The following PAPSS1 variants were observed in gnomAD, a reference collection of about 807,000 sequenced individuals.
The protein encoded by PAPSS1 is bifunctional 3'-phosphoadenosine 5'-phosphosulfate synthase 1.
Under a neutral mutation model 72.0 loss-of-function variants are expected in PAPSS1, and 50 were observed. The ratio of observed to expected loss-of-function variants is 0.69; its 90% confidence interval spans 0.55 to 0.88. The LOEUF (loss-of-function observed/expected upper bound fraction) is 0.88, where lower values mean the gene tolerates loss of function less well. PAPSS1 is among the 40% of genes least tolerant of loss of function. The probability of loss-of-function intolerance (pLI) is 0.00; values close to 1 mark genes in which losing one functional copy is unlikely to be tolerated. For missense variants in PAPSS1, 657 were observed against 782.2 expected, an observed-to-expected ratio of 0.84 and a Z score of 1.91; for synonymous variants, 261 against 263.6, an observed-to-expected ratio of 0.99 and a Z score of 0.09.
In PAPSS1 at chr4:107,644,861, G is replaced by A; in HGVS notation, c.1447C>T (p.Pro483Ser). 6.2e-7 allele frequency: 1 copy of A among 1,613,802 alleles called. No homozygotes were observed. The highest frequency in any genetic ancestry group is 8.5e-7 in the Non-Finnish European group (1 of 1,179,842). The change falls in exon 10 of 12, where the codon CCT becomes TCT. Residue 483 changes from proline to serine, a missense_variant. Physicochemically the swap from Pro to Ser is moderately conservative, Grantham distance 74. This residue lies in a region of PAPSS1 where 166 missense variants were observed against 228.3 expected (regional missense o/e 0.73). Coordinates refer to ENST00000265174, the MANE Select transcript of PAPSS1 (RefSeq NM_005443.5). ...AAVLEEGVLNPETTVVAIFPS... is the reference protein window; with the variant it reads ...AAVLEEGVLNSETTVVAIFPS... ...AAGATGGCCACCACTGTCGTCTCAG[G>A]ATTCAGAACTCCTTCCTCCAACACT...
At chr4:107,638,675 G>A (rs115153138) in intron 10 of PAPSS1, among the ~76,000 whole-genome samples, 5,330 of 152,102 alleles carry the variant, frequency 0.035, 287 homozygotes, top group African/African-American at 0.12. Context: ...ATTATTCTAA[G>A]AAAACAGAGG....
chr4:107,661,249 G>A (rs568095070), intron 5 of PAPSS1, among the ~76,000 whole-genome samples: 1 of 152,216 alleles, frequency 6.6e-6, no homozygotes, highest in South Asian at 2.1e-4. Flanking sequence ...ATTCATAGCT[G>A]GTGGGGATGC....
At chr4:107,704,560 G>C (rs758353285) in intron 1 of PAPSS1, among the ~76,000 whole-genome samples, 1 of 152,164 alleles carries the variant, frequency 6.6e-6, no homozygotes, top group African/African-American at 2.4e-5. Context: ...TATCATAAAA[G>C]GTTAATGAAC....
Position 107,644,916 on chromosome 4 carries a change from A to C in PAPSS1, c.1392T>G (p.Pro464=). The change falls in exon 10 of 12, where the codon CCT becomes CCG. Residue 464 remains proline (P), a synonymous_variant. Transcript: ENST00000265174. The part of the protein sequence containing the change: ...LGGWTKDDDV[P]LMWRMKQHAA... ...CATGCTGCTTCATACGCCACATCAA[A>C]GGAACATCGTCATCCTTTGTCCAGC... The C allele has an allele frequency of 6.2e-7, 1 of 1,614,120 alleles. No individual in the cohort carries two copies. Among genetic ancestry groups the C allele is most frequent in the Non-Finnish European group, 8.5e-7 (1 of 1,179,968 alleles).
chr4:107,704,607 C>T (rs1723288189), intron 1 of PAPSS1, among the ~76,000 whole-genome samples: 2 of 152,186 alleles, frequency 1.3e-5, no homozygotes, highest in South Asian at 4.1e-4. Flanking sequence ...TTGAGATGAT[C>T]ATAGGTTTTT....
At chr4:107,680,366 G>C (rs1326731851) in intron 5 of PAPSS1, among the ~76,000 whole-genome samples, 1 of 151,144 alleles carries the variant, frequency 6.6e-6, no homozygotes, top group Non-Finnish European at 1.5e-5. Context: ...AATTACATTA[G>C]ACTTCTCATC....
chr4:107,658,524 G>A (rs1188574923), intron 6 of PAPSS1, among the ~76,000 whole-genome samples: 2 of 152,102 alleles, frequency 1.3e-5, no homozygotes, highest in African/African-American at 2.4e-5. Context: ...TGTACTTATC[G>A]TTAATGTAAG....
At chr4:107,687,619 A>G (rs1722820462) in intron 3 of PAPSS1, among the ~76,000 whole-genome samples, 1 of 151,956 alleles carries the variant, frequency 6.6e-6, no homozygotes, top group Admixed American at 6.6e-5. Context: ...AGCCCCCTGC[A>G]GCCACTTCTC....
chr4:107,681,661 A>C (rs1338097248), intron 5 of PAPSS1, among the ~76,000 whole-genome samples: 2 of 152,160 alleles, frequency 1.3e-5, no homozygotes, highest in African/African-American at 2.4e-5. Flanking sequence ...AAAGTTAACA[A>C]CTTTGTATAC....
At chr4:107,617,308 C>G (rs1240055908) in intron 11 of PAPSS1, among the ~76,000 whole-genome samples, 1 of 151,396 alleles carries the variant, frequency 6.6e-6, no homozygotes, top group Admixed American at 6.6e-5. Context: ...CAACTTGACA[C>G]TTGGTTCCCG....
At chr4:107,651,745 G>A (rs909504701) in intron 9 of PAPSS1, among the ~76,000 whole-genome samples, 2 of 152,172 alleles carry the variant, frequency 1.3e-5, no homozygotes, top group African/African-American at 4.8e-5. Flanking sequence ...GGGGATTATA[G>A]GAACTACAAT....
rs769879789 is a variant in PAPSS1 at position 107,631,646 on chromosome 4, T to C, written c.1721A>G (p.Tyr574Cys). 2 of 1,611,012 alleles carry C rather than the reference T, an allele frequency of 1.2e-6. No individual in the cohort carries two copies. The highest frequency in any genetic ancestry group is 1.7e-5 in the Admixed American group (1 of 60,010). The change falls in exon 11 of 12, where the codon TAC becomes TGC. Residue 574 changes from tyrosine to cysteine, a missense_variant. Physicochemically the swap from Tyr to Cys is radical, Grantham distance 194. Coordinates refer to ENST00000265174, the MANE Select transcript of PAPSS1 (RefSeq NM_005443.5). ...AYNKKKKRMD[Y>C]YDSEHHEDFE... is the part of the protein sequence containing the mutation. Reference sequence around the variant, plus strand: ...TAAGACTTACTGTTCAGAGTCATAGTAGTCCATACGCTTCTTTTTCTTGTT... The same window carrying C: ...TAAGACTTACTGTTCAGAGTCATAGCAGTCCATACGCTTCTTTTTCTTGTT...
chr4:107,664,888 TTTTG>T (rs1727275319), intron 5 of PAPSS1, among the ~76,000 whole-genome samples: 1 of 152,224 alleles, frequency 6.6e-6, no homozygotes, highest in Non-Finnish European at 1.5e-5. Flanking sequence ...TTTTTTCATA[TTTTG>T]TTTTTGAGTC....
chr4:107,718,025 T>C (rs949486463), intron 1 of PAPSS1, among the ~76,000 whole-genome samples: 2 of 152,224 alleles, frequency 1.3e-5, no homozygotes, highest in African/African-American at 4.8e-5. Context: ...ACTATAACCT[T>C]GTCTGGTCTC....
chr4:107,713,381 G>C lies in PAPSS1; in HGVS notation c.60+6739C>G, dbSNP rs376963016. Among the ~76,000 whole-genome samples, 27 of 152,178 alleles carry C rather than the reference G, an allele frequency of 1.8e-4. No homozygotes were observed. The East Asian group carries it at 3.9e-3, about 22-fold the overall frequency. On this transcript the variant is annotated intron_variant, in intron 1 of 11. Coordinates refer to ENST00000265174, the MANE Select transcript of PAPSS1 (RefSeq NM_005443.5). ...AATGGGTATAAGGTTTCTTTTTGGGGACATGTAAATGTTCTAAAATTAGAT... is the reference window on the plus strand; with the variant it reads ...AATGGGTATAAGGTTTCTTTTTGGGCACATGTAAATGTTCTAAAATTAGAT...
intron 5 of PAPSS1, among the ~76,000 whole-genome samples, chr4:107,673,208 G>A (rs545020567): frequency 4.6e-4 from 70 of 152,298 alleles, no homozygotes; most frequent in Middle Eastern, 3.4e-3. Flanking sequence ...AAAGCTGGAC[G>A]GAGAATGACT....
intron 6 of PAPSS1, 25 bp downstream of exon 6, chr4:107,659,934 G>C (rs373082006): frequency 3.2e-6 from 4 of 1,240,968 alleles, no homozygotes; most frequent in Non-Finnish European, 3.5e-6. Flanking sequence ...GTATCACTTA[G>C]TGTGAAAAGC....
intron 10 of PAPSS1, among the ~76,000 whole-genome samples, chr4:107,640,089 T>C (rs1018117713): frequency 1.3e-5 from 2 of 152,200 alleles, no homozygotes; most frequent in Non-Finnish European, 1.5e-5. Context: ...CAAAAACATC[T>C]TACCTTTGAC....
At chr4:107,640,787 CT>C (rs1726517630) in intron 10 of PAPSS1, among the ~76,000 whole-genome samples, 1 of 152,212 alleles carries the variant, frequency 6.6e-6, no homozygotes, top group Admixed American at 6.5e-5. Flanking sequence ...AAAAAACCGC[CT>C]TTTGCTCAGG....
Sources: gnomAD v4.1 joint callset for allele counts (sites outside exome capture counted in the v4.1 genomes callset) on GRCh38, gnomAD v4.1.1 for gene constraint, gnomAD v4.1.1 regional missense constraint, MANE v1.5 for transcripts, NCBI Gene and HGNC (gene_info 2026-07-23, HGNC 2026-07-21) for gene names.